The following CACNA2D4 variants were observed in gnomAD, a reference collection of about 807,000 sequenced individuals.
The protein encoded by CACNA2D4 is voltage-dependent calcium channel subunit alpha-2/delta-4.
In CACNA2D4, 157 loss-of-function variants were observed where a neutral mutation model predicts 163.8. The observed-to-expected ratio is 0.96, with a 90% CI of 0.84 to 1.09. The LOEUF is 1.09. Ranked by LOEUF, CACNA2D4 falls within the 50% of genes least tolerant of loss-of-function variation. The pLI is 0.00. For synonymous variants in CACNA2D4, 598 were observed against 586.9 expected (o/e 1.02, Z -0.27); for missense variants, 1,410 against 1,479.9 (o/e 0.95, Z 0.78).
chr12:1,837,613 A>C (rs1008259357), intron 26 of CACNA2D4, among the ~76,000 whole-genome samples: 3 of 152,152 alleles, frequency 2.0e-5, no homozygotes, highest in African/African-American at 7.2e-5. Context: ...CCTTTGGATA[A>C]CAACCCAGCG....
intron 26 of CACNA2D4, among the ~76,000 whole-genome samples, chr12:1,830,259 C>G (rs1864561465): frequency 1.3e-5 from 2 of 152,224 alleles, no homozygotes; most frequent in African/African-American, 2.4e-5. Context: ...CAGTGGGACC[C>G]TAGGTGCACA....
At position 1,883,755 on chromosome 12, in the gene CACNA2D4, T is replaced by C. The variant is rs1295722352; in HGVS notation, c.1351+488A>G. Among the ~76,000 whole-genome samples the C allele has an allele frequency of 1.3e-5, 2 of 152,190 alleles. No individual in the cohort carries two copies. The highest frequency in any genetic ancestry group is 6.5e-5 in the Admixed American group (1 of 15,288). ...TCCACCATCAAAGCACATTTCAGGC[T>C]GCATCGTGGGTGGTGTTTTACTTGT... is the stretch of plus-strand genomic sequence containing the variant. On this transcript the variant is annotated intron_variant, in intron 12 of 37. Coordinates refer to ENST00000382722, the MANE Select transcript of CACNA2D4 (RefSeq NM_172364.5). The surrounding 1 kb of genome is among the most constrained non-coding windows in gnomAD (Gnocchi z 4.5).
intron 1 of CACNA2D4, among the ~76,000 whole-genome samples, chr12:1,916,954 G>A (rs192485239): frequency 5.3e-4 from 81 of 152,338 alleles, no homozygotes; most frequent in African/African-American, 1.9e-3. Context: ...CTGAAGGCCT[G>A]GATTCCAGCC....
chr12:1,905,212 T>C (rs1176833370), intron 6 of CACNA2D4, among the ~76,000 whole-genome samples: 1 of 152,040 alleles, frequency 6.6e-6, no homozygotes, highest in Non-Finnish European at 1.5e-5. Flanking sequence ...AGAATGAAAC[T>C]GATATAAAAA....
chr12:1,910,443 T>C (rs1324792750), intron 3 of CACNA2D4, among the ~76,000 whole-genome samples: 1 of 128,930 alleles, frequency 7.8e-6, no homozygotes, highest in Non-Finnish European at 1.6e-5. Flanking sequence ...CAATCTACCA[T>C]GGATGCAGGA....
chr12:1,868,473 G>C (rs1238456388), intron 18 of CACNA2D4, among the ~76,000 whole-genome samples: 1 of 151,310 alleles, frequency 6.6e-6, no homozygotes, highest in Non-Finnish European at 1.5e-5. Context: ...GTGGGAGGTG[G>C]GGAATGAGAA....
intron 23 of CACNA2D4, 139 bp downstream of exon 23, chr12:1,853,812 G>A (rs1305521240): frequency 1.6e-6 from 1 of 634,948 alleles, no homozygotes; most frequent in East Asian, 2.8e-5. Context: ...CAGTGCCCAG[G>A]GGGACCTCCA....
At position 1,793,944 on chromosome 12, in the gene CACNA2D4, C is replaced by T. The variant is rs567027043; in HGVS notation, c.3310-185G>A. Among the ~76,000 whole-genome samples, 5 of 152,306 alleles carry T rather than the reference C, an allele frequency of 3.3e-5. No homozygotes were observed. In the South Asian group the frequency reaches 1.0e-3, roughly 32 times the overall value. ...GAAAAGCAAAGGCTGGCCCCTCAGCCTGGGAGGGGGGCACCGGCCTTCTCT... is the reference window on the plus strand; with the variant it reads ...GAAAAGCAAAGGCTGGCCCCTCAGCTTGGGAGGGGGGCACCGGCCTTCTCT... On this transcript the variant is annotated intron_variant, in intron 37 of 37. Transcript: ENST00000382722.
chr12:1,814,478 TA>T (rs1863813484), intron 26 of CACNA2D4, among the ~76,000 whole-genome samples: 1 of 152,224 alleles, frequency 6.6e-6, no homozygotes, highest in Non-Finnish European at 1.5e-5. Flanking sequence ...AATCCTCTTG[TA>T]AGACAAAAAA....
chr12:1,841,313 C>G (rs1009247481), intron 25 of CACNA2D4, among the ~76,000 whole-genome samples: 1 of 152,204 alleles, frequency 6.6e-6, no homozygotes, highest in East Asian at 1.9e-4. Flanking sequence ...AGCGAGATGA[C>G]GGACCCTCCA....
chr12:1,913,831 A>G (rs1452158281), intron 2 of CACNA2D4, among the ~76,000 whole-genome samples: 1 of 152,260 alleles, frequency 6.6e-6, no homozygotes, highest in African/African-American at 2.4e-5. Context: ...AAGCCAGTCA[A>G]TCACTTTCCT....
chr12:1,864,820 C>G (rs1251483787), intron 18 of CACNA2D4, among the ~76,000 whole-genome samples: 1 of 152,242 alleles, frequency 6.6e-6, no homozygotes, highest in African/African-American at 2.4e-5. Context: ...CCGATGGCTG[C>G]CCGCAATGCT....
intron 23 of CACNA2D4, among the ~76,000 whole-genome samples, chr12:1,850,044 C>T (rs1326290254): frequency 1.3e-5 from 2 of 152,146 alleles, no homozygotes; most frequent in Non-Finnish European, 2.9e-5. Flanking sequence ...CTCATAGGTA[C>T]ATTTTTTTCA....
At chr12:1,880,598 G>A (rs1445340849) in intron 13 of CACNA2D4, among the ~76,000 whole-genome samples, 1 of 152,282 alleles carries the variant, frequency 6.6e-6, no homozygotes, top group Non-Finnish European at 1.5e-5. Flanking sequence ...AAGCATGTGG[G>A]AAGAGAGGTA....
intron 6 of CACNA2D4, among the ~76,000 whole-genome samples, chr12:1,901,979 C>A (rs1410850040): frequency 6.6e-6 from 1 of 151,984 alleles, no homozygotes; most frequent in African/African-American, 2.4e-5. Context: ...AAAACACTAG[C>A]AAACTGAATA....
At chr12:1,839,780 G>A (rs1017635886) in intron 26 of CACNA2D4, among the ~76,000 whole-genome samples, 3 of 151,968 alleles carry the variant, frequency 2.0e-5, no homozygotes, top group African/African-American at 7.2e-5. Flanking sequence ...AGACGGAGCA[G>A]GTAAGGGAAT....
At position 1,839,355 on chromosome 12, in the gene CACNA2D4, G is replaced by T. The variant is rs181764368; in HGVS notation, c.2551+1384C>A. On this transcript the variant is annotated intron_variant, in intron 26 of 37. Coordinates refer to ENST00000382722, the MANE Select transcript of CACNA2D4 (RefSeq NM_172364.5). ...AAACAAGGGTAAGGAGCGCTTCATC[G>T]CAGGGACCTGATCGTTCTCAGACAG... Among the ~76,000 whole-genome samples, 15 of 152,330 alleles carry T rather than the reference G, an allele frequency of 9.8e-5. 1 individual carries two copies. Among genetic ancestry groups the T allele is most frequent in the Admixed American group, 7.8e-4 (12 of 15,302 alleles).
At position 1,826,479 on chromosome 12, in the gene CACNA2D4, A is replaced by T. The variant is rs1034307668; in HGVS notation, c.2551+14260T>A. On this transcript the variant is annotated intron_variant, in intron 26 of 37. Coordinates refer to ENST00000382722, the MANE Select transcript of CACNA2D4 (RefSeq NM_172364.5). ...GAGACAGTGGTTAGAGAACCATGAC[A>T]GCACCACGCTCAGGGGCTCCTCCAC... Among the ~76,000 whole-genome samples the T allele has an allele frequency of 1.5e-4, 22 of 142,628 alleles. 1 individual carries two copies. The highest frequency in any genetic ancestry group is 4.7e-4 in the African/African-American group (18 of 38,622). 93.6% of individuals were successfully genotyped at this position (142,628 alleles called of 152,430 possible).
At chr12:1,848,087 T>C (rs1246275050) in intron 23 of CACNA2D4, among the ~76,000 whole-genome samples, 1 of 152,232 alleles carries the variant, frequency 6.6e-6, no homozygotes, top group Non-Finnish European at 1.5e-5. Context: ...CCACCTAAAG[T>C]GTGTGATTCA....
Sources: gnomAD v4.1 joint callset for allele counts (sites outside exome capture counted in the v4.1 genomes callset) on GRCh38, gnomAD v4.1.1 for gene constraint, Gnocchi (gnomAD v3.1) non-coding constraint, MANE v1.5 for transcripts, NCBI Gene and HGNC (gene_info 2026-07-23, HGNC 2026-07-21) for gene names.